AMPH: variants seen among roughly 807,000 people sequenced by gnomAD.
The protein encoded by AMPH is amphiphysin (Stiff-Mann syndrome with breast cancer 128kD autoantigen).
A neutral mutation model predicts 99.1 loss-of-function variants in AMPH; 49 were observed. That is an observed-to-expected ratio of 0.49 (90% CI 0.39 to 0.63). The LOEUF (loss-of-function observed/expected upper bound fraction) is 0.63. Among genes scored for constraint, AMPH ranks in the 20% least tolerant of loss-of-function variants. The pLI, the probability that AMPH is intolerant of heterozygous loss-of-function variation, is 0.00. For synonymous variants in AMPH, 314 were observed against 317.3 expected, an observed-to-expected ratio of 0.99 and a Z score of 0.11; for missense variants, 759 against 863.4, an observed-to-expected ratio of 0.88 and a Z score of 1.52.
intron 1 of AMPH, among the ~76,000 whole-genome samples, chr7:38,557,726 C>G (rs924884505): frequency 6.6e-6 from 1 of 152,064 alleles, no homozygotes; most frequent in Non-Finnish European, 1.5e-5. Flanking sequence ...AAAGGCCCTC[C>G]TCCATGGAAT....
intron 1 of AMPH, among the ~76,000 whole-genome samples, chr7:38,571,404 T>G (rs1344349682): frequency 1.1e-5 from 1 of 93,024 alleles, no homozygotes; most frequent in African/African-American, 4.5e-5. Flanking sequence ...TCTATATATA[T>G]AGAATATATA....
At position 38,436,383 on chromosome 7, in the gene AMPH, T is replaced by C. The variant is rs1431958676; in HGVS notation, c.1023A>G (p.Glu341=). ...TCTCCTCTTTCTTCACCTCAGGGAC[T>C]TCATTCTGTTAAAGCAAACAACAAA... ...EISVTTPSQN[E]VPEVKKEETL... is the part of the protein sequence containing the mutation. The change falls in exon 12 of 21, where the codon GAA becomes GAG. Residue 341 remains glutamate (E), a synonymous_variant. Transcript: ENST00000356264. 6.2e-7 allele frequency: 1 copy of C among 1,613,342 alleles called. No individual in the cohort carries two copies. The highest frequency in any genetic ancestry group is 1.3e-5 in the African/African-American group (1 of 75,042).
At chr7:38,492,777 C>T (rs1381633947) in intron 4 of AMPH, among the ~76,000 whole-genome samples, 2 of 151,952 alleles carry the variant, frequency 1.3e-5, no homozygotes, top group African/African-American at 4.8e-5. Flanking sequence ...CAATAGTGAC[C>T]TTTGCCACAC....
intron 1 of AMPH, among the ~76,000 whole-genome samples, chr7:38,612,087 C>CTTTT (rs56111676): frequency 3.1e-5 from 3 of 97,384 alleles, no homozygotes; most frequent in African/African-American, 4.3e-5. Context: ...TTGTCTTCTT[C>CTTTT]TTTTTTTTTT....
At chr7:38,455,101 T>C (rs1216509741) in intron 11 of AMPH, among the ~76,000 whole-genome samples, 2 of 150,494 alleles carry the variant, frequency 1.3e-5, no homozygotes, top group African/African-American at 2.4e-5. Flanking sequence ...TTTCCTGAGA[T>C]GGAGTTTTGC....
chr7:38,570,799 T>C (rs1170285187), intron 1 of AMPH, among the ~76,000 whole-genome samples: 1 of 148,562 alleles, frequency 6.7e-6, no homozygotes, highest in Non-Finnish European at 1.5e-5. Flanking sequence ...GACAGCTGCA[T>C]GTATGTTAGT....
intron 1 of AMPH, among the ~76,000 whole-genome samples, chr7:38,571,899 C>T (rs892582280): frequency 8.1e-6 from 1 of 122,880 alleles, no homozygotes; most frequent in African/African-American, 3.1e-5. Flanking sequence ...GTACCCTATA[C>T]ACGTTTATCT....
intron 1 of AMPH, among the ~76,000 whole-genome samples, chr7:38,578,067 T>C (rs977158106): frequency 9.9e-5 from 15 of 151,774 alleles, no homozygotes; most frequent in Non-Finnish European, 2.1e-4. Context: ...CTGAAATCAG[T>C]TGTTGACACT....
intron 1 of AMPH, among the ~76,000 whole-genome samples, chr7:38,566,499 T>A (rs1449194600): frequency 6.6e-6 from 1 of 152,112 alleles, no homozygotes; most frequent in African/African-American, 2.4e-5. Context: ...AAAGAGTTCA[T>A]GACTAAAACA....
intron 17 of AMPH, among the ~76,000 whole-genome samples, chr7:38,405,571 C>T (rs1784960464): frequency 1.3e-5 from 2 of 152,078 alleles, no homozygotes; most frequent in South Asian, 4.1e-4. Context: ...ATAAAACAGA[C>T]TTTAAGCCAA....
chr7:38,628,790 T>C (rs1794350549), intron 1 of AMPH, among the ~76,000 whole-genome samples: 1 of 152,240 alleles, frequency 6.6e-6, no homozygotes, highest in African/African-American at 2.4e-5. Flanking sequence ...ATTTCAGCCT[T>C]GTGGTTTTTT....
intron 17 of AMPH, among the ~76,000 whole-genome samples, chr7:38,415,113 C>T (rs906629979): frequency 6.6e-6 from 1 of 152,004 alleles, no homozygotes; most frequent in Non-Finnish European, 1.5e-5. Context: ...GAAGACAATA[C>T]TACCTATATG....
intron 1 of AMPH, among the ~76,000 whole-genome samples, chr7:38,561,978 T>G (rs4720291): frequency 0.23 from 34,607 of 150,820 alleles, 4,125 homozygotes; most frequent in East Asian, 0.28. Context: ...TTTTTTTTTT[T>G]TTGTTATGGC....
At chr7:38,406,753 T>A (rs1584048188) in intron 17 of AMPH, among the ~76,000 whole-genome samples, 1 of 141,264 alleles carries the variant, frequency 7.1e-6, no homozygotes, top group African/African-American at 2.9e-5. Context: ...TCTCTCTCTC[T>A]CTCTCTCTCT....
At chr7:38,534,814 C>G in intron 2 of AMPH, 117 bp downstream of exon 2, 1 of 813,062 alleles carries the variant, frequency 1.2e-6, no homozygotes, top group East Asian at 2.6e-5. Context: ...GTGTTACTCT[C>G]AAGTTAGTGC....
chr7:38,560,185 G>A (rs1584245643), intron 1 of AMPH, among the ~76,000 whole-genome samples: 1 of 152,158 alleles, frequency 6.6e-6, no homozygotes, highest in South Asian at 2.1e-4. Context: ...ACAAACTATA[G>A]GCAAGCGGAG....
At chr7:38,425,247 A>C (rs532581065) in intron 15 of AMPH, among the ~76,000 whole-genome samples, 1 of 152,214 alleles carries the variant, frequency 6.6e-6, no homozygotes, top group Non-Finnish European at 1.5e-5. Flanking sequence ...AGAGCCAGTG[A>C]GAACAGCTCT....
chr7:38,461,552 T>C (rs1478831620), intron 10 of AMPH, 141 bp from the exon 11 acceptor site: 44 of 1,019,370 alleles, frequency 4.3e-5, no homozygotes, highest in Non-Finnish European at 5.8e-5. Context: ...GCCTATCTGA[T>C]ACAGGTAAAG....
At chr7:38,577,319 G>A (rs1376622678) in intron 1 of AMPH, among the ~76,000 whole-genome samples, 1 of 152,170 alleles carries the variant, frequency 6.6e-6, no homozygotes, top group African/African-American at 2.4e-5. Flanking sequence ...TCCCTAGGCT[G>A]TAGTTCCAGC....
Sources: allele counts gnomAD v4.1 joint callset (sites outside exome capture counted in the v4.1 genomes callset), GRCh38; gene constraint gnomAD v4.1.1; transcripts MANE v1.5; gene names NCBI Gene and HGNC (gene_info 2026-07-23, HGNC 2026-07-21).